BIN1: variants seen among roughly 807,000 people sequenced by gnomAD.
BIN1 encodes myc box-dependent-interacting protein 1.
Under a neutral mutation model 82.0 loss-of-function variants are expected in BIN1, and 53 were observed. The observed-to-expected ratio is 0.65, with a 90% CI of 0.52 to 0.81. BIN1 has a LOEUF of 0.81. Ranked by LOEUF, BIN1 falls within the 40% of genes least tolerant of loss-of-function variation. The pLI is 0.00. For synonymous variants in BIN1, 302 were observed against 328.0 expected (o/e 0.92, Z 0.86); for missense variants, 642 against 784.4 (o/e 0.82, Z 2.17).
In BIN1 at chr2:127,059,231, C is replaced by G; in HGVS notation, c.858-76G>C. On this transcript the variant is annotated intron_variant, in intron 10 of 18. Transcript: ENST00000316724. The surrounding 1 kb of genome is among the most constrained non-coding windows in gnomAD (Gnocchi z 6.7). ...GGAGACGGAGGGGCAAATGTATTGA[C>G]GTCTGTGTGAAGAGGTGTGTGCATA... The G allele has an allele frequency of 7.0e-7, 1 of 1,437,838 alleles. No individual in the cohort carries two copies. Among genetic ancestry groups the G allele is most frequent in the South Asian group, 1.2e-5 (1 of 82,494 alleles). 89.1% of individuals were successfully genotyped at this position (1,437,838 alleles called of 1,614,324 possible).
chr2:127,076,513 C>T (rs1411898426), intron 2 of BIN1, 113 bp downstream of exon 2: 7 of 1,233,768 alleles, frequency 5.7e-6, no homozygotes, highest in Admixed American at 5.0e-5. Flanking sequence ...TGTCAGCCCA[C>T]ACTGATTACC....
chr2:127,099,405 T>C (rs1023891937), intron 1 of BIN1, among the ~76,000 whole-genome samples: 3 of 151,130 alleles, frequency 2.0e-5, no homozygotes, highest in Non-Finnish European at 4.4e-5. Context: ...CATGGTTCTT[T>C]CCCCCCCAGG....
intron 1 of BIN1, among the ~76,000 whole-genome samples, chr2:127,095,406 G>A (rs930708871): frequency 2.0e-5 from 3 of 152,166 alleles, no homozygotes; most frequent in South Asian, 2.1e-4. Flanking sequence ...GGTGGATCCC[G>A]GAGTATGGAA....
rs1687376962 is a variant in BIN1 at position 127,082,137 on chromosome 2, C to A, written c.85-5431G>T. 2.0e-5 allele frequency among the ~76,000 whole-genome samples: 3 copies of A among 152,152 alleles called. No homozygotes were observed. Among genetic ancestry groups the A allele is most frequent in the Admixed American group, 2.0e-4 (3 of 15,284 alleles). On this transcript the variant is annotated intron_variant, in intron 1 of 18. Transcript: ENST00000316724. The surrounding 1 kb of genome is among the most constrained non-coding windows in gnomAD (Gnocchi z 6.1). Reference sequence around the variant, plus strand: ...GCCCCTAGAACAGGACAAAGGCGAGCCTTCTCCCCACCCCCGCCCCCCACC... The same window carrying A: ...GCCCCTAGAACAGGACAAAGGCGAGACTTCTCCCCACCCCCGCCCCCCACC...
At chr2:127,103,244 G>C (rs1425889185) in intron 1 of BIN1, among the ~76,000 whole-genome samples, 1 of 152,164 alleles carries the variant, frequency 6.6e-6, no homozygotes, top group Non-Finnish European at 1.5e-5. Flanking sequence ...TGAGGTTGCT[G>C]CAAATATAAC....
Position 127,050,465 on chromosome 2 carries a change from C to G in BIN1, c.1630G>C (p.Gly544Arg). ...TDTDELQLKA[G>R]DVVLVIPFQN... Reference sequence around the variant, plus strand: ...AAGGGGATCACCAGCACCACATCACCAGCCTTGAGCTGCAGCTCGTCTGTG... The same window carrying G: ...AAGGGGATCACCAGCACCACATCACGAGCCTTGAGCTGCAGCTCGTCTGTG... Residue 544 changes from glycine (G) to arginine (R), a missense_variant, in exon 18 of 19, where the codon GGT becomes CGT. Physicochemically the swap from Gly to Arg is moderately radical, Grantham distance 125. Coordinates refer to ENST00000316724, the MANE Select transcript of BIN1 (RefSeq NM_139343.3). 3 of 1,614,248 alleles carry G rather than the reference C, an allele frequency of 1.9e-6. No homozygotes were observed. The highest frequency in any genetic ancestry group is 2.5e-6 in the Non-Finnish European group (3 of 1,180,036).
chr2:127,054,115 A>G, intron 12 of BIN1, 103 bp from the exon 13 acceptor site: 1 of 874,744 alleles, frequency 1.1e-6, no homozygotes, highest in Non-Finnish European at 1.9e-6. Context: ...GTGGACACAC[A>G]CACATACACA....
intron 1 of BIN1, among the ~76,000 whole-genome samples, chr2:127,097,364 T>TCCTCCAGGCCCAGCAGCGTCAGC (rs1679741527): frequency 1.1e-4 from 10 of 87,520 alleles, no homozygotes; most frequent in Non-Finnish European, 2.0e-4. Context: ...GCAGCGTCAC[T>TCCTCCAGGCCCAGCAGCGTCAGC]CCTCCAGGCC....
chr2:127,083,078 CT>C (rs112344101), intron 1 of BIN1, among the ~76,000 whole-genome samples: 8,573 of 142,736 alleles, frequency 0.06, 238 homozygotes, highest in Non-Finnish European at 0.071. Flanking sequence ...TTGCTTTTTT[CT>C]TTTTTTTTTT....
In BIN1 at chr2:127,089,901, C is replaced by T. The variant is rs141901668; in HGVS notation, c.85-13195G>A. ...TGTAGGTAAGAGGGCCCAGCAGAGC[C>T]GCTAGCACTGGATTCCCCCCTGCTC... On this transcript the variant is annotated intron_variant, in intron 1 of 18. Coordinates refer to ENST00000316724, the MANE Select transcript of BIN1 (RefSeq NM_139343.3). Among the ~76,000 whole-genome samples, 159 of 152,120 alleles carry T rather than the reference C, an allele frequency of 1.0e-3. 1 individual carries two copies. Among genetic ancestry groups the T allele is most frequent in the African/African-American group, 3.6e-3 (149 of 41,460 alleles).
chr2:127,078,628 G>A (rs976334893), intron 1 of BIN1, among the ~76,000 whole-genome samples: 2 of 152,138 alleles, frequency 1.3e-5, no homozygotes, highest in African/African-American at 4.8e-5. Flanking sequence ...AACTGCAGCT[G>A]GATGCCAAGG....
Position 127,078,073 on chromosome 2 carries a change from GC to G in BIN1, c.85-1368del, listed in dbSNP as rs1159110464. On this transcript the variant is annotated intron_variant, in intron 1 of 18. Transcript: ENST00000316724. ...TGCTGCCAGGAACATCAGCTTTGGGGCCCAGGGCCCAGGCCACGGTCCTGGA... is the reference window on the plus strand; with the variant it reads ...TGCTGCCAGGAACATCAGCTTTGGGGCCAGGGCCCAGGCCACGGTCCTGGA... 4.6e-5 allele frequency among the ~76,000 whole-genome samples: 7 copies of G among 152,338 alleles called. No homozygotes were observed. In the South Asian group the frequency reaches 1.5e-3, roughly 32 times the overall value.
rs1685436494 is a variant in BIN1, at chr2:127,068,424, A to G, written c.520-169T>C. On this transcript the variant is annotated intron_variant, in intron 6 of 18. Coordinates refer to ENST00000316724, the MANE Select transcript of BIN1 (RefSeq NM_139343.3). This position sits in a 1 kb window ranked among gnomAD's most constrained non-coding sequence, Gnocchi z 4.9. ...AGAATTAGGGGGAGCCCGGGGGGTA[A>G]GGAAAGGGGGTGAACTCCAACTGCA... 6.6e-6 allele frequency among the ~76,000 whole-genome samples: 1 copy of G among 151,442 alleles called. No individual in the cohort carries two copies. The highest frequency in any genetic ancestry group is 1.5e-5 in the Non-Finnish European group (1 of 67,846).
In BIN1 at chr2:127,048,197, C is replaced by A. The variant is rs1278825589; in HGVS notation, c.*329G>T. On this transcript the variant is annotated 3_prime_UTR_variant, in exon 19 of 19. Coordinates refer to ENST00000316724, the MANE Select transcript of BIN1 (RefSeq NM_139343.3). ...GAGGACCCTTGCCCGGGTGGCGCGG[C>A]CGAAGCTTCAGGCAAGCATGGTGGC... 1 of 386,566 alleles carries A rather than the reference C, an allele frequency of 2.6e-6. No individual in the cohort carries two copies. Among genetic ancestry groups the A allele is most frequent in the Non-Finnish European group, 4.9e-6 (1 of 205,038 alleles). The allele number at this position is 386,566 out of a possible 1,614,324, so 23.9% of individuals were successfully genotyped here.
At chr2:127,056,779 G>A (rs1331188661) in intron 12 of BIN1, among the ~76,000 whole-genome samples, 3 of 152,220 alleles carry the variant, frequency 2.0e-5, no homozygotes, top group Admixed American at 6.5e-5. Context: ...GGCAAGATGC[G>A]CTTCCAGCAC....
At chr2:127,095,525 T>TC (rs1679483325) in intron 1 of BIN1, among the ~76,000 whole-genome samples, 2 of 152,132 alleles carry the variant, frequency 1.3e-5, no homozygotes, top group South Asian at 4.1e-4. Flanking sequence ...TGCCAGGTGT[T>TC]CCCCAACAAA....
At chr2:127,079,142 C>A (rs1403359437) in intron 1 of BIN1, among the ~76,000 whole-genome samples, 1 of 152,224 alleles carries the variant, frequency 6.6e-6, no homozygotes, top group African/African-American at 2.4e-5. Flanking sequence ...ACCCAGTTCC[C>A]AAACACTGCT....
chr2:127,070,159 G>A (rs1320811882), intron 4 of BIN1, 69 bp from the exon 5 acceptor site: 62 of 1,290,008 alleles, frequency 4.8e-5, no homozygotes, highest in Admixed American at 1.1e-4. Context: ...CGCTCACCTC[G>A]CAGGGACCAG....
In BIN1 at chr2:127,068,276, C is replaced by T. The variant is rs1685401419; in HGVS notation, c.520-21G>A. On this transcript the variant is annotated intron_variant, in intron 6 of 18. Transcript: ENST00000316724. This position sits in a 1 kb window ranked among gnomAD's most constrained non-coding sequence, Gnocchi z 4.9. Reference sequence around the variant, plus strand: ...ACAGGCTGGGGTGGGGAGGTCAAGGCAAAGGAAGGTGGAGAGACCAGGGAG... The same window carrying T: ...ACAGGCTGGGGTGGGGAGGTCAAGGTAAAGGAAGGTGGAGAGACCAGGGAG... The T allele has an allele frequency of 6.2e-7, 1 of 1,600,050 alleles. No individual in the cohort carries two copies. Among genetic ancestry groups the T allele is most frequent in the Non-Finnish European group, 8.5e-7 (1 of 1,172,800 alleles).
Sources: gnomAD v4.1 joint callset for allele counts (sites outside exome capture counted in the v4.1 genomes callset) on GRCh38, gnomAD v4.1.1 for gene constraint, Gnocchi (gnomAD v3.1) non-coding constraint, MANE v1.5 for transcripts, NCBI Gene and HGNC (gene_info 2026-07-23, HGNC 2026-07-21) for gene names.